DNAI7: variants seen among roughly 807,000 people sequenced by gnomAD.
The protein encoded by DNAI7 is dynein axonemal intermediate chain 7.
DNAI7 carries 78 observed loss-of-function variants against 86.6 expected under a neutral mutation model. The ratio of observed to expected loss-of-function variants is 0.90; its 90% confidence interval spans 0.75 to 1.09. The LOEUF (loss-of-function observed/expected upper bound fraction) is 1.09. DNAI7 is among the 50% of genes least tolerant of loss of function. The pLI is 0.00. For missense variants in DNAI7, 753 were observed against 810.2 expected (o/e 0.93, Z 0.86); for synonymous variants, 274 against 273.0 (o/e 1.00, Z -0.04).
chr12:25,116,787 G>A (rs1416868763), intron 12 of DNAI7, among the ~76,000 whole-genome samples: 1 of 151,988 alleles, frequency 6.6e-6, no homozygotes, highest in Non-Finnish European at 1.5e-5. Context: ...GAGCTACCAT[G>A]CCCAGCTGTG....
intron 2 of DNAI7, among the ~76,000 whole-genome samples, chr12:25,176,901 C>CTTTTTTTTTTTTTTT (rs761004608): frequency 1.7e-5 from 2 of 118,116 alleles, no homozygotes; most frequent in Non-Finnish European, 3.5e-5. Context: ...TAACCATTTT[C>CTTTTTTTTTTTTTTT]TTTTTTTTTT....
At chr12:25,121,693 AT>A in intron 11 of DNAI7, 59 bp downstream of exon 11, 1 of 1,340,038 alleles carries the variant, frequency 7.5e-7, no homozygotes, top group South Asian at 1.3e-5. Flanking sequence ...ATAATATGAA[AT>A]AAAGTAAAAG....
intron 2 of DNAI7, among the ~76,000 whole-genome samples, chr12:25,163,478 C>A (rs183453475): frequency 2.2e-4 from 34 of 152,292 alleles, no homozygotes; most frequent in Non-Finnish European, 1.2e-4. Context: ...TTTTCCTTTA[C>A]CTACGCAAAT....
At chr12:25,170,962 G>T (rs67710161) in intron 2 of DNAI7, among the ~76,000 whole-genome samples, 1 of 151,858 alleles carries the variant, frequency 6.6e-6, no homozygotes, top group African/African-American at 2.4e-5. Flanking sequence ...AAAACCTCTG[G>T]GATACAGCAA....
At chr12:25,138,872 G>A (rs1943860079) in intron 9 of DNAI7, among the ~76,000 whole-genome samples, 1 of 120,472 alleles carries the variant, frequency 8.3e-6, no homozygotes, top group Admixed American at 9.4e-5. Flanking sequence ...AGAACTAAAT[G>A]AAATTGAAAC....
At chr12:25,111,172 T>A (rs1938742539) in intron 14 of DNAI7, among the ~76,000 whole-genome samples, 1 of 152,234 alleles carries the variant, frequency 6.6e-6, no homozygotes, top group Non-Finnish European at 1.5e-5. Flanking sequence ...TTACTTTGTG[T>A]CTTCATATAT....
intron 2 of DNAI7, among the ~76,000 whole-genome samples, chr12:25,178,356 C>G (rs1236069861): frequency 1.3e-5 from 2 of 152,088 alleles, no homozygotes; most frequent in African/African-American, 4.8e-5. Context: ...TTGTCTAATT[C>G]ATCTAAGTTT....
chr12:25,179,285 A>G (rs1844628691), intron 2 of DNAI7, among the ~76,000 whole-genome samples: 1 of 152,184 alleles, frequency 6.6e-6, no homozygotes, highest in Non-Finnish European at 1.5e-5. Context: ...TTTGTATCAT[A>G]GTATACTAGC....
intron 14 of DNAI7, among the ~76,000 whole-genome samples, chr12:25,110,491 G>C (rs1331477942): frequency 6.6e-6 from 1 of 152,008 alleles, no homozygotes; most frequent in Non-Finnish European, 1.5e-5. Context: ...ATTACCTGCC[G>C]ACCTCTTTTT....
At chr12:25,152,838 C>T (rs1295486935) in intron 6 of DNAI7, among the ~76,000 whole-genome samples, 1 of 152,156 alleles carries the variant, frequency 6.6e-6, no homozygotes, top group African/African-American at 2.4e-5. Flanking sequence ...TGTGAGAAAA[C>T]CCCACATACA....
chr12:25,133,563 C>A (rs149327571), intron 9 of DNAI7, among the ~76,000 whole-genome samples: 2 of 152,192 alleles, frequency 1.3e-5, no homozygotes, highest in Non-Finnish European at 2.9e-5. Flanking sequence ...AAGATGGCTT[C>A]CCCCTCCTGC....
chr12:25,181,454 AG>A (rs1246337537), intron 2 of DNAI7, among the ~76,000 whole-genome samples: 2 of 152,272 alleles, frequency 1.3e-5, no homozygotes, highest in African/African-American at 4.8e-5. Context: ...AAAGAAAACC[AG>A]GAAAAACTCT....
At position 25,195,097 on chromosome 12, in the gene DNAI7, G is replaced by T; in HGVS notation, c.-19C>A. On this transcript the variant is annotated 5_prime_UTR_variant, in exon 1 of 16. Transcript: ENST00000395987. ...TCACCATTAAGAGTCAAGCTCCACT[G>T]CAGTAGTCCGCAGAGTCGGAGCAGA... The T allele has an allele frequency of 6.2e-7, 1 of 1,613,070 alleles. No individual in the cohort carries two copies. The highest frequency in any genetic ancestry group is 8.5e-7 in the Non-Finnish European group (1 of 1,179,012).
chr12:25,119,588 A>G (rs1336759227), intron 11 of DNAI7, among the ~76,000 whole-genome samples: 1 of 152,234 alleles, frequency 6.6e-6, no homozygotes, highest in Non-Finnish European at 1.5e-5. Flanking sequence ...AACAGAAATG[A>G]TAACTAAGAC....
chr12:25,143,222 C>G (rs1944418756), intron 9 of DNAI7, among the ~76,000 whole-genome samples: 1 of 148,060 alleles, frequency 6.8e-6, no homozygotes, highest in Non-Finnish European at 1.5e-5. Context: ...ATCCATTTTT[C>G]TACATTGCTA....
In DNAI7 at chr12:25,108,528, A is replaced by T; in HGVS notation, c.*20T>A. 6.2e-7 allele frequency: 1 copy of T among 1,601,448 alleles called. No homozygotes were observed. The highest frequency in any genetic ancestry group is 8.5e-7 in the Non-Finnish European group (1 of 1,171,822). The stretch of plus-strand genomic sequence containing the variant: ...CCATGCTTGGTTCTTCATACTTACA[A>T]TACAGTTTGTAAGTGGAGGTTAGGA... On this transcript the variant is annotated 3_prime_UTR_variant, in exon 16 of 16. Coordinates refer to ENST00000395987, the MANE Select transcript of DNAI7 (RefSeq NM_018272.5).
rs1948598323 is a variant in DNAI7 at position 25,174,427 on chromosome 12, C to CCCATATATATGATATATATATG, written c.22-13231_22-13230insCATATATATATCATATATATGG. ...TATGGGATATATGGGATATATATAT[C>CCCATATATATGATATATATATG]ATATATATCATATATATGGGATATA... is the stretch of plus-strand genomic sequence containing the variant. On this transcript the variant is annotated intron_variant, in intron 2 of 15. Transcript: ENST00000395987. 5.4e-4 allele frequency among the ~76,000 whole-genome samples: 2 copies of CCCATATATATGATATATATATG among 3,680 alleles called. 1 individual carries two copies. The highest frequency in any genetic ancestry group is 9.0e-4 in the Non-Finnish European group (2 of 2,232). The allele number at this position is 3,680 out of a possible 152,430, so 2.4% of individuals were successfully genotyped here. A position where few individuals can be genotyped will look rare whatever the true frequency, so the allele number is the denominator to read the frequency against.
At chr12:25,171,721 A>C (rs967497622) in intron 2 of DNAI7, among the ~76,000 whole-genome samples, 15 of 152,198 alleles carry the variant, frequency 9.9e-5, no homozygotes, top group African/African-American at 3.6e-4. Flanking sequence ...TAAAATCCTT[A>C]ACAAAATACT....
intron 12 of DNAI7, among the ~76,000 whole-genome samples, chr12:25,117,225 C>A (rs111306405): frequency 2.6e-5 from 4 of 152,160 alleles, no homozygotes; most frequent in South Asian, 2.1e-4. Flanking sequence ...TGAGCCACTG[C>A]GACCGGCCTA....
Sources: gnomAD v4.1 joint callset for allele counts (sites outside exome capture counted in the v4.1 genomes callset) on GRCh38, gnomAD v4.1.1 for gene constraint, MANE v1.5 for transcripts, NCBI Gene and HGNC (gene_info 2026-07-23, HGNC 2026-07-21) for gene names.